NPPA: variants seen among roughly 807,000 people sequenced by gnomAD.
The protein encoded by NPPA is natriuretic peptide A.
NPPA carries 10 observed loss-of-function variants against 12.2 expected under a neutral mutation model. The ratio of observed to expected loss-of-function variants is 0.82; its 90% CI spans 0.50 to 1.38. The LOEUF is 1.38. NPPA is among the 40% of genes most tolerant of loss of function. The pLI is 0.00. For missense variants in NPPA, 207 were observed against 193.5 expected (o/e 1.07, Z -0.41); for synonymous variants, 85 against 80.2 (o/e 1.06, Z -0.32).
rs770795306 is a variant in NPPA, at chr1:11,847,344, A to C, written c.219T>G (p.Ala73=). 6.2e-7 allele frequency: 1 copy of C among 1,613,476 alleles called. No homozygotes were observed. Among genetic ancestry groups the C allele is most frequent in the Admixed American group, 1.7e-5 (1 of 59,970 alleles). The change falls in exon 2 of 3, where the codon GCT becomes GCG. Residue 73 remains alanine (A), a synonymous_variant. Coordinates refer to ENST00000376480, the MANE Select transcript of NPPA (RefSeq NM_006172.4). ...GAGGCACCTCAGGGAGGGGGCTGAG[A>C]GCAGCCCCCGCTTCTTCATTCGGCT... The part of the protein sequence containing the change: ...LSEPNEEAGA[A]LSPLPEVPPW...
Position 11,845,878 on chromosome 1 carries a change from G to A in NPPA, c.*131C>T. The A allele has an allele frequency of 2.2e-6, 2 of 903,152 alleles. No homozygotes were observed. The highest frequency in any genetic ancestry group is 1.6e-5 in the African/African-American group (1 of 61,246). 55.9% of individuals were successfully genotyped at this position (903,152 alleles called of 1,614,324 possible). On this transcript the variant is annotated 3_prime_UTR_variant, in exon 3 of 3. Transcript: ENST00000376480. ...ATGTGAGAAGTGTTGACAGGAAGCT[G>A]CAGCTTAGATGGGATGATCACAACT...
Position 11,847,459 on chromosome 1 carries a change from A to T in NPPA, c.124-20T>A, listed in dbSNP as rs373867029. The stretch of plus-strand genomic sequence containing the variant: ...CAAATTCTTTAGAAAAGGAAAATAC[A>T]GGGAAAGGGATAAACCTCACTGACT... On this transcript the variant is annotated intron_variant, in intron 1 of 2. Transcript: ENST00000376480. 1.9e-6 allele frequency: 3 copies of T among 1,613,904 alleles called. No individual in the cohort carries two copies. The highest frequency in any genetic ancestry group is 2.5e-6 in the Non-Finnish European group (3 of 1,179,950).
Position 11,846,014 on chromosome 1 carries a change from A to C in NPPA, c.451T>G (p.Tyr151Asp), listed in dbSNP as rs772417906. The change falls in exon 3 of 3, where the codon TAC becomes GAC. Residue 151 changes from tyrosine (Y) to aspartate (D), a missense_variant and splice_region_variant. Tyr to Asp is a radical substitution (Grantham distance 160). Coordinates refer to ENST00000376480, the MANE Select transcript of NPPA (RefSeq NM_006172.4). ...QSGLGCNSFR[Y>D] ...GTCCTCCCTGGCTGTTATCTTCAGTACTGCAAAGAGAACACAGACATATCT... is the reference window on the plus strand; with the variant it reads ...GTCCTCCCTGGCTGTTATCTTCAGTCCTGCAAAGAGAACACAGACATATCT... The C allele has an allele frequency of 1.2e-5, 19 of 1,614,076 alleles. No individual in the cohort carries two copies. The highest frequency in any genetic ancestry group is 1.6e-5 in the Non-Finnish European group (19 of 1,179,964).
At position 11,845,812 on chromosome 1, in the gene NPPA, G is replaced by A. The variant is rs1645064569; in HGVS notation, c.*197C>T. The A allele has an allele frequency of 1.6e-6, 1 of 638,638 alleles. No homozygotes were observed. The allele number at this position is 638,638 out of a possible 1,614,324, so 39.6% of individuals were successfully genotyped here. On this transcript the variant is annotated 3_prime_UTR_variant, in exon 3 of 3. Transcript: ENST00000376480. ...TTAATGCATGGGGTGGGAGAGGCGA[G>A]GAAGTCACCATCAAACCACTTTATC...
chr1:11,847,311 G>A lies in NPPA; in HGVS notation c.252C>T (p.Thr84=), dbSNP rs755212754. ...CTCTCTGGGCTGGGCTGACTTCCCC[G>A]GTCCAGGGAGGCACCTCAGGGAGGG... ...LSPLPEVPPW[T]GEVSPAQRDG... is the part of the protein sequence containing the mutation. The change falls in exon 2 of 3, where the codon ACC becomes ACT. Residue 84 remains threonine, a synonymous_variant. Transcript: ENST00000376480. 43 of 1,613,316 alleles carry A rather than the reference G, an allele frequency of 2.7e-5. No homozygotes were observed. The highest frequency in any genetic ancestry group is 2.0e-4 in the African/African-American group (15 of 74,920).
In NPPA at chr1:11,847,626, A is replaced by G. The variant is rs1645079089; in HGVS notation, c.59T>C (p.Leu20Pro). The G allele has an allele frequency of 6.2e-7, 1 of 1,614,052 alleles. No individual in the cohort carries two copies. The highest frequency in any genetic ancestry group is 8.5e-7 in the Non-Finnish European group (1 of 1,179,974). The change falls in exon 1 of 3, where the codon CTA becomes CCA. Residue 20 changes from leucine to proline, a missense_variant. Coordinates refer to ENST00000376480, the MANE Select transcript of NPPA (RefSeq NM_006172.4). Reference sequence around the variant, plus strand: ...CATGGGATTAGCTCTGGTCTGACCTAGGAGCTGGAATGCCAGTAAAAGGAG... The same window carrying G: ...CATGGGATTAGCTCTGGTCTGACCTGGGAGCTGGAATGCCAGTAAAAGGAG... ...SFLLLLAFQL[L>P]GQTRANPMYN... is the part of the protein sequence containing the mutation.
At position 11,847,138 on chromosome 1, in the gene NPPA, C is replaced by T. The variant is rs781197146; in HGVS notation, c.425G>A (p.Ser142Asn). ...GGRMDRIGAQSGLGCNSFRY is the reference protein window; with the variant it reads ...GGRMDRIGAQNGLGCNSFRY ...CCGGAAGCTGTTACAGCCCAGTCCG[C>T]TCTGGGCTCCAATCCTGTCCATCCT... Residue 142 changes from serine (S) to asparagine (N), a missense_variant, in exon 2 of 3, where the codon AGC becomes AAC. Transcript: ENST00000376480. 22 of 1,560,002 alleles carry T rather than the reference C, an allele frequency of 1.4e-5. No homozygotes were observed. The highest frequency in any genetic ancestry group is 1.8e-5 in the Non-Finnish European group (21 of 1,151,794).
chr1:11,847,484 T>A, intron 1 of NPPA, 45 bp from the exon 2 acceptor site: 1 of 1,613,928 alleles, frequency 6.2e-7, no homozygotes, highest in South Asian at 1.1e-5. Context: ...CCTCACTGAC[T>A]TGGAGGAAAT....
chr1:11,846,920 CCT>C (rs1491253947), intron 2 of NPPA, among the ~76,000 whole-genome samples, 191 bp downstream of exon 2: 92 of 146,034 alleles, frequency 6.3e-4, no homozygotes, highest in South Asian at 2.7e-3. Context: ...AGCCCCCCCC[CCT>C]TTTTTTTTTA....
At chr1:11,846,934 G>A (rs1455478282) in intron 2 of NPPA, among the ~76,000 whole-genome samples, 179 bp downstream of exon 2, 1 of 131,806 alleles carries the variant, frequency 7.6e-6, no homozygotes, top group Non-Finnish European at 1.6e-5. Flanking sequence ...TTTTTTTTAA[G>A]CATTTTCTCA....
rs887089196 is a variant in NPPA at position 11,847,755 on chromosome 1, C to A, written c.-71G>T. Reference sequence around the variant, plus strand: ...CCCCTCTGGTTCCTCTCTGGTTCCCCTCTCTTGGCCTACGTCTGTCCCTGT... The same window carrying A: ...CCCCTCTGGTTCCTCTCTGGTTCCCATCTCTTGGCCTACGTCTGTCCCTGT... On this transcript the variant is annotated 5_prime_UTR_variant, in exon 1 of 3. The change creates a new upstream start codon in the 5' untranslated region. Transcript: ENST00000376480. 6.2e-7 allele frequency: 1 copy of A among 1,608,716 alleles called. No individual in the cohort carries two copies. The highest frequency in any genetic ancestry group is 8.5e-7 in the Non-Finnish European group (1 of 1,176,940).
intron 1 of NPPA, 42 bp from the exon 2 acceptor site, chr1:11,847,481 G>A: frequency 1.2e-6 from 2 of 1,613,854 alleles, no homozygotes; most frequent in Non-Finnish European, 1.7e-6. Context: ...AAACCTCACT[G>A]ACTTGGAGGA....
rs1213644227 is a variant in NPPA at position 11,847,451 on chromosome 1, G to GA, written c.124-13dup. ...TGGTCCAGCAAATTCTTTAGAAAAG[G>GA]AAAATACAGGGAAAGGGATAAACCT... is the stretch of plus-strand genomic sequence containing the variant. On this transcript the variant is annotated splice_polypyrimidine_tract_variant and intron_variant, in intron 1 of 2. Coordinates refer to ENST00000376480, the MANE Select transcript of NPPA (RefSeq NM_006172.4). The GA allele has an allele frequency of 1.2e-6, 2 of 1,613,956 alleles. No individual in the cohort carries two copies. The highest frequency in any genetic ancestry group is 2.7e-5 in the African/African-American group (2 of 74,920).
At chr1:11,846,149 A>C in intron 2 of NPPA, 135 bp from the exon 3 acceptor site, 2 of 841,894 alleles carry the variant, frequency 2.4e-6, no homozygotes, top group Non-Finnish European at 4.2e-6. Context: ...CCCCAGCCTG[A>C]TGACCCTCTG....
In NPPA at chr1:11,847,593, G is replaced by A. The variant is rs533057449; in HGVS notation, c.92C>T (p.Ala31Val). Residue 31 changes from alanine (A) to valine (V), a missense_variant, in exon 1 of 3, where the codon GCC becomes GTC. By Grantham distance (64) the Ala-to-Val change is moderately conservative. Transcript: ENST00000376480. Reference sequence around the variant, plus strand: ...ATCCATCAGGTCTGCGTTGGACACGGCATTGTACATGGGATTAGCTCTGGT... The same window carrying A: ...ATCCATCAGGTCTGCGTTGGACACGACATTGTACATGGGATTAGCTCTGGT... ...GQTRANPMYN[A>V]VSNADLMDFK... 1.9e-6 allele frequency: 3 copies of A among 1,614,160 alleles called. No homozygotes were observed. Among genetic ancestry groups the A allele is most frequent in the South Asian group, 1.1e-5 (1 of 91,076 alleles).
At position 11,847,746 on chromosome 1, in the gene NPPA, C is replaced by T; in HGVS notation, c.-62G>A. On this transcript the variant is annotated 5_prime_UTR_variant, in exon 1 of 3. Transcript: ENST00000376480. ...TCTGTCTCTCCCCTCTGGTTCCTCT[C>T]TGGTTCCCCTCTCTTGGCCTACGTC... 6.2e-7 allele frequency: 1 copy of T among 1,612,016 alleles called. No homozygotes were observed. The highest frequency in any genetic ancestry group is 1.7e-5 in the Admixed American group (1 of 60,024).
chr1:11,846,974 G>C (rs564275613), intron 2 of NPPA, 139 bp downstream of exon 2: 1 of 531,386 alleles, frequency 1.9e-6, no homozygotes, highest in Admixed American at 3.0e-5. Context: ...TAGATGGCAT[G>C]TCCTGACACC....
chr1:11,846,974 G>T, intron 2 of NPPA, 139 bp downstream of exon 2: 2 of 531,386 alleles, frequency 3.8e-6, no homozygotes, highest in Non-Finnish European at 3.1e-6. Context: ...TAGATGGCAT[G>T]TCCTGACACC....
In NPPA at chr1:11,845,888, T is replaced by G. The variant is rs1171501123; in HGVS notation, c.*121A>C. The G allele has an allele frequency of 2.1e-6, 2 of 961,872 alleles. No homozygotes were observed. Among genetic ancestry groups the G allele is most frequent in the African/African-American group, 1.6e-5 (1 of 62,262 alleles). 59.6% of individuals were successfully genotyped at this position (961,872 alleles called of 1,614,324 possible). A position where few individuals can be genotyped will look rare whatever the true frequency, so the allele number is the denominator to read the frequency against. ...TGTTGACAGGAAGCTGCAGCTTAGA[T>G]GGGATGATCACAACTCCATGGCAAC... On this transcript the variant is annotated 3_prime_UTR_variant, in exon 3 of 3. Coordinates refer to ENST00000376480, the MANE Select transcript of NPPA (RefSeq NM_006172.4).
Sources: allele counts gnomAD v4.1 joint callset (sites outside exome capture counted in the v4.1 genomes callset), GRCh38; gene constraint gnomAD v4.1.1; transcripts MANE v1.5; gene names NCBI Gene and HGNC (gene_info 2026-07-23, HGNC 2026-07-21).